FAM120B: variants seen among roughly 807,000 people sequenced by gnomAD.
FAM120B encodes the protein family with sequence similarity 120 member B.
A neutral mutation model predicts 96.3 loss-of-function variants in FAM120B; 83 were observed. The observed-to-expected ratio is 0.86, with a 90% CI of 0.72 to 1.03. The LOEUF is 1.03. FAM120B is among the 50% of genes least tolerant of loss of function. The probability of loss-of-function intolerance (pLI) is 0.00; values close to 1 mark genes in which losing one functional copy is unlikely to be tolerated. For missense variants in FAM120B, 1,027 were observed against 1,121.2 expected (o/e 0.92, Z 1.20); for synonymous variants, 407 against 402.7 (o/e 1.01, Z -0.13).
chr6:170,385,860 T>C (rs1447598219), intron 6 of FAM120B, among the ~76,000 whole-genome samples: 2 of 152,182 alleles, frequency 1.3e-5, no homozygotes, highest in African/African-American at 4.8e-5. Flanking sequence ...TGTTACTAAG[T>C]GACAGAAGCC....
intron 1 of FAM120B, among the ~76,000 whole-genome samples, chr6:170,309,345 TC>T (rs1174605401): frequency 2.0e-5 from 3 of 152,238 alleles, no homozygotes; most frequent in Non-Finnish European, 4.4e-5. Context: ...TAAATAATTA[TC>T]TTATTTTTGC....
chr6:170,343,707 C>T (rs980905406), intron 4 of FAM120B, among the ~76,000 whole-genome samples: 2 of 152,034 alleles, frequency 1.3e-5, no homozygotes, highest in African/African-American at 4.8e-5. Flanking sequence ...GGGCCCTACC[C>T]CTAGAATTTC....
chr6:170,303,231 C>A (rs1030045618), upstream of FAM120B, among the ~76,000 whole-genome samples: 5 of 152,080 alleles, frequency 3.3e-5, no homozygotes, highest in Admixed American at 6.5e-5. Context: ...AGAATTTACT[C>A]TACTTTCTTT....
chr6:170,347,435 G>A (rs1271165662), intron 4 of FAM120B, among the ~76,000 whole-genome samples: 1 of 152,142 alleles, frequency 6.6e-6, no homozygotes, highest in Non-Finnish European at 1.5e-5. Context: ...ATTTGTCGTG[G>A]TTTCAGTCAA....
chr6:170,360,182 G>C (rs1256512239), intron 6 of FAM120B, among the ~76,000 whole-genome samples: 1 of 152,234 alleles, frequency 6.6e-6, no homozygotes, highest in African/African-American at 2.4e-5. Flanking sequence ...TCACACAGAT[G>C]AGGGAGCTGG....
At chr6:170,378,843 A>G (rs1249944482) in intron 6 of FAM120B, among the ~76,000 whole-genome samples, 2 of 152,272 alleles carry the variant, frequency 1.3e-5, no homozygotes. Flanking sequence ...CACATTAAAA[A>G]GGGGCTATTT....
chr6:170,397,974 C>T (rs982197791), intron 9 of FAM120B, among the ~76,000 whole-genome samples: 1 of 97,744 alleles, frequency 1.0e-5, no homozygotes, highest in Non-Finnish European at 2.5e-5. Flanking sequence ...TTCTGCTTAC[C>T]CTCTTTGGCT....
chr6:170,364,525 A>G (rs182375747), intron 6 of FAM120B, among the ~76,000 whole-genome samples: 26 of 152,340 alleles, frequency 1.7e-4, no homozygotes, highest in African/African-American at 6.0e-4. Flanking sequence ...ACTTCATTAA[A>G]TGGATACCTG....
At chr6:170,387,307 G>GTGAA (rs1405891815) in intron 6 of FAM120B, among the ~76,000 whole-genome samples, 3 of 152,310 alleles carry the variant, frequency 2.0e-5, no homozygotes, top group African/African-American at 7.2e-5. Flanking sequence ...ATTTTAGTAA[G>GTGAA]TGAAGCCTTA....
At chr6:170,350,829 A>G (rs930656287) in intron 5 of FAM120B, among the ~76,000 whole-genome samples, 1 of 152,230 alleles carries the variant, frequency 6.6e-6, no homozygotes, top group South Asian at 2.1e-4. Flanking sequence ...GCCTACAAAC[A>G]TGAGAAAGAA....
chr6:170,306,290 T>G (rs9356635), upstream of FAM120B, among the ~76,000 whole-genome samples: 20,113 of 152,064 alleles, frequency 0.13, 1,521 homozygotes, highest in East Asian at 0.31. Context: ...GGGTCCCCTG[T>G]GCAGGAGCCC....
Position 170,323,149 on chromosome 6 carries a change from A to G in FAM120B, c.1805A>G (p.Glu602Gly). 1 of 1,614,164 alleles carries G rather than the reference A, an allele frequency of 6.2e-7. No homozygotes were observed. The highest frequency in any genetic ancestry group is 8.5e-7 in the Non-Finnish European group (1 of 1,180,018). ...AACATCATGAGCAGTGGAGAGATTG[A>G]ATGCAGCAACACCCTAGAAGATGAG... ...VYNIMSSGEI[E>G]CSNTLEDELD... Residue 602 changes from glutamate (E) to glycine (G), a missense_variant, in exon 3 of 11, where the codon GAA becomes GGA. By Grantham distance (98) the Glu-to-Gly change is moderately conservative. Coordinates refer to ENST00000476287, the MANE Select transcript of FAM120B (RefSeq NM_032448.3).
At position 170,348,225 on chromosome 6, in the gene FAM120B, C is replaced by T. The variant is rs986320643; in HGVS notation, c.2092C>T (p.Leu698=). 6.2e-7 allele frequency: 1 copy of T among 1,614,120 alleles called. No individual in the cohort carries two copies. Among genetic ancestry groups the T allele is most frequent in the Non-Finnish European group, 8.5e-7 (1 of 1,179,998 alleles). Residue 698 remains leucine (L), a synonymous_variant, in exon 5 of 11, where the codon CTA becomes TTA. Coordinates refer to ENST00000476287, the MANE Select transcript of FAM120B (RefSeq NM_032448.3). ...EIQVRRLDTL[L]ACFNLSSSRE... is the part of the protein sequence containing the mutation. The stretch of plus-strand genomic sequence containing the variant: ...ACAGGTTCGGCGCTTGGACACACTC[C>T]TAGCCTGTTTCAATCTTTCCTCCTC...
chr6:170,293,251 G>T (rs1783925296), upstream of FAM120B, among the ~76,000 whole-genome samples: 1 of 152,138 alleles, frequency 6.6e-6, no homozygotes, highest in Non-Finnish European at 1.5e-5. Context: ...AGAATGCGAG[G>T]TCAGAATCCA....
intron 1 of FAM120B, among the ~76,000 whole-genome samples, chr6:170,300,894 AC>A (rs201107292): frequency 2.0e-4 from 30 of 151,292 alleles, no homozygotes; most frequent in African/African-American, 7.0e-4. Context: ...TGCAGGGTAA[AC>A]CCCCCCCTCC....
intron 9 of FAM120B, among the ~76,000 whole-genome samples, chr6:170,401,534 G>A (rs1258297972): frequency 6.6e-6 from 1 of 152,170 alleles, no homozygotes; most frequent in East Asian, 1.9e-4. Context: ...GAGGGAGGGA[G>A]CAAAGGCCGC....
At chr6:170,323,961 G>A (rs192522087) in intron 3 of FAM120B, among the ~76,000 whole-genome samples, 17 of 152,208 alleles carry the variant, frequency 1.1e-4, no homozygotes, top group African/African-American at 4.1e-4. Flanking sequence ...TTTCAGTAAG[G>A]CCTTGTTCAT....
At chr6:170,293,723 T>G (rs1248037391), upstream of FAM120B, among the ~76,000 whole-genome samples, 1 of 151,596 alleles carries the variant, frequency 6.6e-6, no homozygotes, top group Admixed American at 6.6e-5. Flanking sequence ...CTTCCTCTTC[T>G]TCCTTCTCCT....
chr6:170,302,429 CA>C (rs1784161535), upstream of FAM120B, among the ~76,000 whole-genome samples: 1 of 152,314 alleles, frequency 6.6e-6, no homozygotes, highest in South Asian at 2.1e-4. Context: ...GGGACACAGC[CA>C]AACCATATCA....
Sources: gnomAD v4.1 joint callset for allele counts (sites outside exome capture counted in the v4.1 genomes callset) on GRCh38, gnomAD v4.1.1 for gene constraint, MANE v1.5 for transcripts, NCBI Gene and HGNC (gene_info 2026-07-23, HGNC 2026-07-21) for gene names.